Variants in HTR1F observed in about 807,000 individuals in gnomAD.
The protein encoded by HTR1F is 5-hydroxytryptamine receptor 1F, also known as 5-hydroxytryptamine (serotonin) receptor 1F, G protein-coupled.
A neutral mutation model predicts 24.0 loss-of-function variants in HTR1F; 17 were observed. The observed-to-expected ratio is 0.71, with a 90% CI of 0.48 to 1.06. The LOEUF (loss-of-function observed/expected upper bound fraction) is 1.06, where lower values mean the gene tolerates loss of function less well. Among genes scored for constraint, HTR1F ranks in the 50% least tolerant of loss-of-function variants. HTR1F has a pLI of 0.00. For missense variants in HTR1F, 391 were observed against 427.8 expected, an observed-to-expected ratio of 0.91 and a Z score of 0.76; for synonymous variants, 186 against 156.8, an observed-to-expected ratio of 1.19 and a Z score of -1.39.
chr3:87,820,842 T>C (rs563080950), intron 1 of HTR1F, among the ~76,000 whole-genome samples: 1 of 152,290 alleles, frequency 6.6e-6, no homozygotes, highest in East Asian at 1.9e-4. Flanking sequence ...TATTTATGTT[T>C]TGTAAAGTTC....
chr3:87,845,832 A>G (rs909621745), intron 2 of HTR1F, among the ~76,000 whole-genome samples: 1 of 152,028 alleles, frequency 6.6e-6, no homozygotes, highest in Non-Finnish European at 1.5e-5. Context: ...ATTTGAGTCA[A>G]TATATTTTAT....
At chr3:87,917,757 C>A (rs1319369858) in intron 2 of HTR1F, among the ~76,000 whole-genome samples, 2 of 151,690 alleles carry the variant, frequency 1.3e-5, no homozygotes, top group Admixed American at 6.6e-5. Context: ...TGTCCAGGAC[C>A]AGATGGATTC....
intron 2 of HTR1F, among the ~76,000 whole-genome samples, chr3:87,848,642 A>G (rs1240482841): frequency 5.3e-5 from 8 of 151,884 alleles, no homozygotes; most frequent in African/African-American, 1.9e-4. Flanking sequence ...AGTGGCATTC[A>G]ATTAGGAAAA....
At chr3:87,951,671 C>T (rs1434552334) in intron 2 of HTR1F, among the ~76,000 whole-genome samples, 1 of 151,974 alleles carries the variant, frequency 6.6e-6, no homozygotes, top group Non-Finnish European at 1.5e-5. Context: ...ATCAAGAGTC[C>T]ATAGTTCACA....
chr3:87,972,764 A>C (rs945096397), intron 2 of HTR1F, among the ~76,000 whole-genome samples: 1 of 152,108 alleles, frequency 6.6e-6, no homozygotes, highest in African/African-American at 2.4e-5. Context: ...CTCCAAAAAT[A>C]AGCTATAGAA....
At chr3:87,978,751 A>G (rs1705454722) in intron 2 of HTR1F, among the ~76,000 whole-genome samples, 1 of 149,498 alleles carries the variant, frequency 6.7e-6, no homozygotes, top group Non-Finnish European at 1.5e-5. Context: ...TGATTGGTTT[A>G]TGGGTGGGCC....
At chr3:87,880,321 A>G (rs1337523751) in intron 2 of HTR1F, among the ~76,000 whole-genome samples, 1 of 152,214 alleles carries the variant, frequency 6.6e-6, no homozygotes, top group African/African-American at 2.4e-5. Flanking sequence ...TTCATTGTAC[A>G]TAGATTACAT....
At chr3:87,895,780 T>C (rs182762760) in intron 2 of HTR1F, among the ~76,000 whole-genome samples, 1 of 152,180 alleles carries the variant, frequency 6.6e-6, no homozygotes, top group South Asian at 2.1e-4. Context: ...TAGAAACTCC[T>C]TAAAATGAAG....
chr3:87,808,402 G>A (rs1422476554), intron 1 of HTR1F, among the ~76,000 whole-genome samples: 1 of 151,606 alleles, frequency 6.6e-6, no homozygotes, highest in Admixed American at 6.6e-5. Context: ...ATTTTTTAAT[G>A]TATAGTTGTT....
chr3:87,829,504 G>A (rs142787926), intron 2 of HTR1F, among the ~76,000 whole-genome samples: 3 of 152,108 alleles, frequency 2.0e-5, no homozygotes, highest in Admixed American at 6.5e-5. Context: ...GAAGGCAGTC[G>A]AACCACTAAC....
intron 2 of HTR1F, among the ~76,000 whole-genome samples, chr3:87,958,543 CTT>C (rs1171699433): frequency 2.6e-5 from 4 of 151,522 alleles, no homozygotes; most frequent in African/African-American, 4.8e-5. Context: ...AACAAACACT[CTT>C]TGTTTACTCA....
At chr3:87,973,604 G>A (rs1239839568) in intron 2 of HTR1F, among the ~76,000 whole-genome samples, 3 of 152,060 alleles carry the variant, frequency 2.0e-5, no homozygotes, top group Non-Finnish European at 2.9e-5. Flanking sequence ...ATTGTGCTTT[G>A]TATCTCATGT....
intron 2 of HTR1F, among the ~76,000 whole-genome samples, chr3:87,884,293 T>C (rs1167162570): frequency 6.6e-6 from 1 of 152,150 alleles, no homozygotes; most frequent in East Asian, 1.9e-4. Context: ...AAGCAAATGC[T>C]GAGAAATTTT....
At chr3:87,813,738 C>A (rs1704199879) in intron 1 of HTR1F, among the ~76,000 whole-genome samples, 3 of 152,082 alleles carry the variant, frequency 2.0e-5, no homozygotes, top group Admixed American at 2.0e-4. Context: ...GGGTCATTCC[C>A]CCATGCTGTT....
chr3:87,935,838 C>T (rs1273409747), intron 2 of HTR1F, among the ~76,000 whole-genome samples: 3 of 151,320 alleles, frequency 2.0e-5, no homozygotes, highest in Non-Finnish European at 2.9e-5. Context: ...GGCTTAATAA[C>T]ATTTCCCCAC....
At chr3:87,896,394 A>G (rs939261603) in intron 2 of HTR1F, among the ~76,000 whole-genome samples, 4 of 152,218 alleles carry the variant, frequency 2.6e-5, no homozygotes, top group African/African-American at 9.6e-5. Context: ...TTATAATCAC[A>G]TCATTACATG....
At chr3:87,795,748 T>G (rs922937552) in intron 1 of HTR1F, among the ~76,000 whole-genome samples, 1 of 152,150 alleles carries the variant, frequency 6.6e-6, no homozygotes, top group African/African-American at 2.4e-5. Context: ...AGTGAGAACC[T>G]TGAAGTGCAG....
intron 2 of HTR1F, among the ~76,000 whole-genome samples, chr3:87,971,288 C>T (rs1162767028): frequency 5.3e-5 from 8 of 151,984 alleles, no homozygotes; most frequent in Non-Finnish European, 1.2e-4. Flanking sequence ...GTAACAATGG[C>T]CGGGCATGGT....
intron 2 of HTR1F, among the ~76,000 whole-genome samples, chr3:87,938,322 A>C (rs541904006): frequency 6.6e-6 from 1 of 152,220 alleles, no homozygotes; most frequent in Non-Finnish European, 1.5e-5. Context: ...TTCCACGCTC[A>C]TGGGTATAAA....
Sources: gnomAD v4.1 joint callset for allele counts (sites outside exome capture counted in the v4.1 genomes callset) on GRCh38, gnomAD v4.1.1 for gene constraint, MANE v1.5 for transcripts, NCBI Gene and HGNC (gene_info 2026-07-23, HGNC 2026-07-21) for gene names.